Variants in SMC3 observed in about 807,000 individuals in gnomAD.
SMC3 encodes the protein structural maintenance of chromosomes 3.
A neutral mutation model predicts 171.8 loss-of-function variants in SMC3; 20 were observed. The observed-to-expected ratio is 0.12, with a 90% CI of 0.08 to 0.17. The LOEUF is 0.17. SMC3 is among the 10% of genes least tolerant of loss of function. SMC3 has a pLI of 1.00. For synonymous variants in SMC3, 464 were observed against 451.1 expected (o/e 1.03, Z -0.36); for missense variants, 543 against 1,420.4 (o/e 0.38, Z 9.93).
chr10:110,582,715 C>G (rs1355331849), intron 10 of SMC3, 73 bp downstream of exon 10: 3 of 1,169,826 alleles, frequency 2.6e-6, no homozygotes, highest in Non-Finnish European at 3.8e-6. Context: ...GTCATCCAGG[C>G]TGGAGTACAG....
intron 13 of SMC3, among the ~76,000 whole-genome samples, chr10:110,586,122 C>CT (rs35208630): frequency 1.1e-4 from 17 of 152,122 alleles, no homozygotes; most frequent in African/African-American, 3.9e-4. Flanking sequence ...GATTTGCCCA[C>CT]TTTAAGTTTT....
chr10:110,600,147 G>T (rs566965824), intron 21 of SMC3, among the ~76,000 whole-genome samples: 1 of 152,144 alleles, frequency 6.6e-6, no homozygotes, highest in South Asian at 2.1e-4. Flanking sequence ...CATTTTAATT[G>T]ATTTTTAAAA....
intron 19 of SMC3, 135 bp from the exon 20 acceptor site, chr10:110,598,004 G>A (rs775810615): frequency 3.9e-6 from 3 of 761,992 alleles, no homozygotes; most frequent in Admixed American, 2.3e-5. Flanking sequence ...GCATTGTTTT[G>A]GTCCATAAAT....
At chr10:110,581,655 C>T (rs1289194520) in intron 8 of SMC3, among the ~76,000 whole-genome samples, 1 of 152,134 alleles carries the variant, frequency 6.6e-6, no homozygotes, top group Non-Finnish European at 1.5e-5. Context: ...CCTAGCATTC[C>T]ATTATTGGAA....
chr10:110,590,340 G>T (rs1861186646), intron 15 of SMC3, 72 bp from the exon 16 acceptor site: 2 of 1,263,080 alleles, frequency 1.6e-6, no homozygotes, highest in African/African-American at 1.5e-5. Context: ...GTATGGTGTT[G>T]TGGGCTCATT....
chr10:110,568,176 C>G (rs965898827), intron 1 of SMC3, among the ~76,000 whole-genome samples: 2 of 152,156 alleles, frequency 1.3e-5, no homozygotes, highest in Non-Finnish European at 2.9e-5. Flanking sequence ...GCCGGGGCGG[C>G]CGCGGGCGGG....
intron 2 of SMC3, 144 bp downstream of exon 2, chr10:110,569,157 T>G: frequency 1.5e-6 from 1 of 674,196 alleles, no homozygotes; most frequent in Non-Finnish European, 2.7e-6. Context: ...TTTTCTGTCT[T>G]ATTGCACTGA....
intron 17 of SMC3, among the ~76,000 whole-genome samples, chr10:110,591,806 G>GA (rs1318634739): frequency 2.0e-5 from 3 of 152,150 alleles, no homozygotes; most frequent in African/African-American, 7.2e-5. Context: ...GGAACATTAA[G>GA]AATCTTGTAA....
At chr10:110,588,122 G>A (rs1861152614) in intron 13 of SMC3, among the ~76,000 whole-genome samples, 1 of 152,128 alleles carries the variant, frequency 6.6e-6, no homozygotes, top group South Asian at 2.1e-4. Context: ...TCCCCCAGTA[G>A]CTGGGACTAC....
chr10:110,570,584 A>C, intron 2 of SMC3, among the ~76,000 whole-genome samples: 1 of 152,204 alleles, frequency 6.6e-6, no homozygotes, highest in East Asian at 1.9e-4. Context: ...TAGAAAAATA[A>C]GAATTATTAG....
intron 1 of SMC3, among the ~76,000 whole-genome samples, chr10:110,568,176 C>A (rs965898827): frequency 2.0e-5 from 3 of 152,156 alleles, no homozygotes; most frequent in African/African-American, 2.4e-5. Context: ...GCCGGGGCGG[C>A]CGCGGGCGGG....
intron 26 of SMC3, 68 bp from the exon 27 acceptor site, chr10:110,602,757 A>G: frequency 1.3e-6 from 2 of 1,570,134 alleles, no homozygotes; most frequent in Non-Finnish European, 1.8e-6. Flanking sequence ...ATTATATGCA[A>G]GTTACTTTTG....
chr10:110,595,044 A>G (rs1296449202), intron 18 of SMC3, among the ~76,000 whole-genome samples: 4 of 150,856 alleles, frequency 2.7e-5, no homozygotes, highest in Admixed American at 2.7e-4. Flanking sequence ...GTGCAGTGGC[A>G]TGATCTCAGC....
intron 20 of SMC3, among the ~76,000 whole-genome samples, chr10:110,598,992 C>G (rs773673428): frequency 1.3e-5 from 2 of 149,988 alleles, no homozygotes; most frequent in African/African-American, 2.5e-5. Context: ...ATAAACTTGA[C>G]AGTTTTGACA....
chr10:110,584,217 T>A lies in SMC3; in HGVS notation c.1126T>A (p.Tyr376Asn). The A allele has an allele frequency of 6.2e-7, 1 of 1,614,146 alleles. No homozygotes were observed. The highest frequency in any genetic ancestry group is 8.5e-7 in the Non-Finnish European group (1 of 1,180,014). ...AGCTACCCAGGAAAGAACGGATCTT[T>A]ATGCAAAGCAGGGTCGAGGAAGCCA... Reference protein sequence around the residue: ...AQATQERTDLYAKQGRGSQFT... With the variant: ...AQATQERTDLNAKQGRGSQFT... The change falls in exon 13 of 29, where the codon TAT (tyrosine) becomes AAT (asparagine). Residue 376 changes from tyrosine to asparagine, a missense_variant. By Grantham distance (143) the Tyr-to-Asn change is moderately radical. Coordinates refer to ENST00000361804, the MANE Select transcript of SMC3 (RefSeq NM_005445.4).
At chr10:110,585,569 G>C (rs1257371621) in intron 13 of SMC3, among the ~76,000 whole-genome samples, 1 of 151,682 alleles carries the variant, frequency 6.6e-6, no homozygotes, top group African/African-American at 2.4e-5. Flanking sequence ...GATTGCAGGC[G>C]TGAGCCACCA....
intron 13 of SMC3, among the ~76,000 whole-genome samples, chr10:110,585,463 G>C (rs1317283179): frequency 6.6e-6 from 1 of 150,732 alleles, no homozygotes; most frequent in Non-Finnish European, 1.5e-5. Flanking sequence ...TAATTTTTTT[G>C]TATTTTTAGT....
chr10:110,595,233 A>G (rs867683871), intron 18 of SMC3, among the ~76,000 whole-genome samples: 17 of 151,396 alleles, frequency 1.1e-4, no homozygotes, highest in African/African-American at 2.9e-4. Context: ...GCCTGCCTCA[A>G]CCTCCCAAAG....
Position 110,599,877 on chromosome 10 carries a change from T to C in SMC3, c.2427+65T>C. 3 of 1,432,536 alleles carry C rather than the reference T, an allele frequency of 2.1e-6. No individual in the cohort carries two copies. The South Asian group carries it at 3.4e-5, about 16-fold the overall frequency. The allele number at this position is 1,432,536 out of a possible 1,614,324, so 88.7% of individuals were successfully genotyped here. Reference sequence around the variant, plus strand: ...TTGGCTATTGTGAAAAGGGCCTTTCTTGCTAACTAGGGCAATATGAAAGAA... The same window carrying C: ...TTGGCTATTGTGAAAAGGGCCTTTCCTGCTAACTAGGGCAATATGAAAGAA... On this transcript the variant is annotated intron_variant, in intron 21 of 28. Transcript: ENST00000361804.
Sources: allele counts gnomAD v4.1 joint callset (sites outside exome capture counted in the v4.1 genomes callset), GRCh38; gene constraint gnomAD v4.1.1; transcripts MANE v1.5; gene names NCBI Gene and HGNC (gene_info 2026-07-23, HGNC 2026-07-21).